The following PCDHA10 variants were observed in gnomAD, a reference collection of about 807,000 sequenced individuals.
PCDHA10 encodes protocadherin alpha 10, also known as protocadherin alpha-10.
A neutral mutation model predicts 61.2 loss-of-function variants in PCDHA10; 45 were observed. That is an observed-to-expected ratio of 0.74 (90% CI 0.58 to 0.94). The LOEUF (loss-of-function observed/expected upper bound fraction) is 0.94, where lower values mean the gene tolerates loss of function less well. PCDHA10 is among the 40% of genes least tolerant of loss of function. The probability of loss-of-function intolerance (pLI) is 0.00; values close to 1 mark genes in which losing one functional copy is unlikely to be tolerated. For missense variants in PCDHA10, 1,278 were observed against 1,236.2 expected (o/e 1.03, Z -0.51); for synonymous variants, 602 against 548.8 (o/e 1.10, Z -1.35).
chr5:140,951,659 C>T (rs1293655737), intron 1 of PCDHA10, among the ~76,000 whole-genome samples: 3 of 152,164 alleles, frequency 2.0e-5, no homozygotes, highest in African/African-American at 7.2e-5. Flanking sequence ...CCCACCAGGG[C>T]CTGCCTACAA....
chr5:140,858,503 T>C, intron 1 of PCDHA10, 67 bp downstream of exon 1: 1 of 1,458,120 alleles, frequency 6.9e-7, no homozygotes. Flanking sequence ...CCGCATTTTC[T>C]CAAATATGTA....
At chr5:140,884,204 C>T in intron 1 of PCDHA10, 1 of 1,613,500 alleles carries the variant, frequency 6.2e-7, no homozygotes, top group Non-Finnish European at 8.5e-7. Flanking sequence ...GCCGCACCAC[C>T]GCCTTCTGGT....
chr5:140,939,175 C>A (rs2092330886), intron 1 of PCDHA10, among the ~76,000 whole-genome samples: 1 of 152,010 alleles, frequency 6.6e-6, no homozygotes, highest in African/African-American at 2.4e-5. Context: ...TGGTAATGGC[C>A]CACTCCCTGG....
chr5:140,926,919 A>G, intron 1 of PCDHA10: 9 of 1,566,668 alleles, frequency 5.7e-6, no homozygotes, highest in Non-Finnish European at 7.8e-6. Flanking sequence ...TGGCAGTTTT[A>G]TGTTTGTGGG....
intron 1 of PCDHA10, chr5:140,883,811 G>A: frequency 6.2e-7 from 1 of 1,612,586 alleles, no homozygotes; most frequent in African/African-American, 1.3e-5. Context: ...CGCGGAGAGC[G>A]GCAAGGTGTA....
At chr5:140,937,328 C>T (rs191377007) in intron 1 of PCDHA10, among the ~76,000 whole-genome samples, 9 of 152,066 alleles carry the variant, frequency 5.9e-5, no homozygotes, top group Admixed American at 5.2e-4. Context: ...TGAGCCACCG[C>T]GCCCGGCTTC....
chr5:140,946,219 G>T (rs2093905754), intron 1 of PCDHA10, among the ~76,000 whole-genome samples: 1 of 151,856 alleles, frequency 6.6e-6, no homozygotes, highest in African/African-American at 2.4e-5. Context: ...TGACCAACAG[G>T]TATACTAAAA....
intron 1 of PCDHA10, chr5:140,876,545 C>T (rs1281346113): frequency 6.2e-7 from 1 of 1,614,082 alleles, no homozygotes; most frequent in Non-Finnish European, 8.5e-7. Flanking sequence ...CTGTCGCTCC[C>T]TGTGCAAGAG....
At chr5:140,967,671 A>G in intron 1 of PCDHA10, 1 of 1,614,130 alleles carries the variant, frequency 6.2e-7, no homozygotes, top group Non-Finnish European at 8.5e-7. Context: ...TACACGTCGG[A>G]CCGGGAGAGG....
At chr5:141,002,456 A>G (rs2098081347) in intron 3 of PCDHA10, among the ~76,000 whole-genome samples, 1 of 152,242 alleles carries the variant, frequency 6.6e-6, no homozygotes, top group Non-Finnish European at 1.5e-5. Context: ...GCACATTTGT[A>G]TAACGCTTTA....
intron 1 of PCDHA10, among the ~76,000 whole-genome samples, chr5:140,922,430 A>C (rs574413053): frequency 6.6e-6 from 1 of 152,364 alleles, no homozygotes; most frequent in East Asian, 1.9e-4. Flanking sequence ...GGCTGAGGGC[A>C]GAACTCTCTC....
At chr5:140,888,315 C>A (rs2061784289) in intron 1 of PCDHA10, among the ~76,000 whole-genome samples, 1 of 152,084 alleles carries the variant, frequency 6.6e-6, no homozygotes, top group Non-Finnish European at 1.5e-5. Flanking sequence ...TTGGCAATGC[C>A]TGGATACATT....
chr5:140,879,589 A>G (rs2058049274), intron 1 of PCDHA10, among the ~76,000 whole-genome samples: 1 of 152,214 alleles, frequency 6.6e-6, no homozygotes, highest in South Asian at 2.1e-4. Context: ...CAGACATTGA[A>G]AAGTGAAAAA....
intron 1 of PCDHA10, chr5:140,870,402 T>A (rs782585618): frequency 3.7e-6 from 6 of 1,614,230 alleles, no homozygotes; most frequent in Middle Eastern, 1.6e-4. Context: ...GTTCGCCTTC[T>A]CTGTGGGCCA....
intron 1 of PCDHA10, chr5:140,884,288 C>T: frequency 6.2e-7 from 1 of 1,613,630 alleles, no homozygotes; most frequent in Non-Finnish European, 8.5e-7. Flanking sequence ...GGAGAGCGGC[C>T]AAGCGCCACA....
intron 2 of PCDHA10, among the ~76,000 whole-genome samples, chr5:140,979,612 G>A (rs1223690856): frequency 6.6e-6 from 1 of 152,042 alleles, no homozygotes; most frequent in Admixed American, 6.6e-5. Flanking sequence ...CTAGAGTAAC[G>A]GTATTAGTCT....
chr5:140,969,310 T>C, intron 1 of PCDHA10: 2 of 1,614,198 alleles, frequency 1.2e-6, no homozygotes, highest in East Asian at 2.2e-5. Context: ...TTCTCAAAAA[T>C]GAGGCTGTTT....
chr5:140,953,778 A>G (rs782648195), intron 1 of PCDHA10, among the ~76,000 whole-genome samples: 1 of 151,986 alleles, frequency 6.6e-6, no homozygotes, highest in Non-Finnish European at 1.5e-5. Flanking sequence ...ATATTTATTT[A>G]TTTTTTTCTT....
intron 1 of PCDHA10, among the ~76,000 whole-genome samples, chr5:140,905,764 A>G (rs2072069491): frequency 6.6e-6 from 1 of 152,144 alleles, no homozygotes; most frequent in African/African-American, 2.4e-5. Flanking sequence ...TTGGTTAAGT[A>G]TATTCCGAAG....
Sources: gnomAD v4.1 joint callset for allele counts (sites outside exome capture counted in the v4.1 genomes callset) on GRCh38, gnomAD v4.1.1 for gene constraint, MANE v1.5 for transcripts, NCBI Gene and HGNC (gene_info 2026-07-23, HGNC 2026-07-21) for gene names.